Variants in CNOT10 observed in about 807,000 individuals in gnomAD.
CNOT10 encodes the protein CCR4-NOT transcription complex, subunit 10.
Under a neutral mutation model 94.6 loss-of-function variants are expected in CNOT10, and 30 were observed. The ratio of observed to expected loss-of-function variants is 0.32; its 90% CI spans 0.24 to 0.43. The LOEUF (loss-of-function observed/expected upper bound fraction) is 0.43, where lower values mean the gene tolerates loss of function less well. Ranked by LOEUF, CNOT10 falls within the 20% of genes least tolerant of loss-of-function variation. The probability of loss-of-function intolerance (pLI) is 1.00; values close to 1 mark genes in which losing one functional copy is unlikely to be tolerated. For synonymous variants in CNOT10, 289 were observed against 301.6 expected (o/e 0.96, Z 0.43); for missense variants, 759 against 877.2 (o/e 0.87, Z 1.70).
chr3:32,771,515 G>A (rs374086442), intron 18 of CNOT10, among the ~76,000 whole-genome samples: 1 of 152,022 alleles, frequency 6.6e-6, no homozygotes, highest in Non-Finnish European at 1.5e-5. Flanking sequence ...CAGGAGAATC[G>A]CTTGAGCCTG....
chr3:32,704,890 A>G lies in CNOT10; in HGVS notation c.197A>G (p.Asn66Ser). The change falls in exon 3 of 19, where the codon AAT becomes AGT. Residue 66 changes from asparagine to serine, a missense_variant. Around this residue, in one of 3 missense-constraint regions of CNOT10, gnomAD observed 682 missense variants for 799.4 expected, o/e 0.85. Coordinates refer to ENST00000328834, the MANE Select transcript of CNOT10 (RefSeq NM_015442.3). ...AAAGATGATTATAAAATAATTTTGA[A>G]TACAGCAGTAGCTGAGTTTTTTAAA... ...INKDDYKIIL[N>S]TAVAEFFKSN... 1 of 1,575,792 alleles carries G rather than the reference A, an allele frequency of 6.3e-7. No homozygotes were observed. The highest frequency in any genetic ancestry group is 8.6e-7 in the Non-Finnish European group (1 of 1,168,576).
intron 13 of CNOT10, among the ~76,000 whole-genome samples, chr3:32,747,958 C>T (rs953768108): frequency 1.3e-5 from 2 of 151,234 alleles, no homozygotes. Flanking sequence ...ACGCTCCCCC[C>T]ACCTCCAAAA....
intron 13 of CNOT10, among the ~76,000 whole-genome samples, chr3:32,750,632 A>G (rs960916801): frequency 7.9e-5 from 12 of 151,248 alleles, no homozygotes; most frequent in Non-Finnish European, 1.8e-4. Flanking sequence ...GGCTCCTCCA[A>G]CCTCCGCCTC....
intron 1 of CNOT10, among the ~76,000 whole-genome samples, chr3:32,697,884 G>A (rs144778509): frequency 2.4e-4 from 37 of 152,310 alleles, no homozygotes; most frequent in Admixed American, 2.0e-3. Flanking sequence ...TTTTTAAAAT[G>A]TTAGGTTTTA....
chr3:32,693,907 A>G (rs566676005), intron 1 of CNOT10, among the ~76,000 whole-genome samples: 1 of 152,146 alleles, frequency 6.6e-6, no homozygotes, highest in Non-Finnish European at 1.5e-5. Flanking sequence ...TATACTTGTG[A>G]ATTTAAATTG....
At chr3:32,735,636 G>A (rs2125582380) in intron 12 of CNOT10, among the ~76,000 whole-genome samples, 1 of 152,178 alleles carries the variant, frequency 6.6e-6, no homozygotes, top group Admixed American at 6.5e-5. Context: ...GAACCCGGGA[G>A]GCAGAGGTTG....
chr3:32,705,675 A>G (rs1366803589), intron 3 of CNOT10, among the ~76,000 whole-genome samples: 2 of 152,184 alleles, frequency 1.3e-5, no homozygotes, highest in East Asian at 3.8e-4. Context: ...TTGAGTAGTA[A>G]GAGCTACATG....
rs369416546 is a variant in CNOT10, at chr3:32,717,256, T to G, written c.744+19T>G. ...TGGAAATGTAAGTTTCTTCTGGACT[T>G]TTGTTTTTCAATTTGTGTCTTTCTT... is the stretch of plus-strand genomic sequence containing the variant. On this transcript the variant is annotated intron_variant, in intron 7 of 18. Transcript: ENST00000328834. 7 of 1,515,398 alleles carry G rather than the reference T, an allele frequency of 4.6e-6. No homozygotes were observed. The African/African-American group carries it at 9.7e-5, about 21-fold the overall frequency. 93.9% of individuals were successfully genotyped at this position (1,515,398 alleles called of 1,614,324 possible). A position where few individuals can be genotyped will look rare whatever the true frequency, so the allele number is the denominator to read the frequency against.
At chr3:32,748,546 T>TGGAGTG (rs1699811537) in intron 13 of CNOT10, among the ~76,000 whole-genome samples, 1 of 152,220 alleles carries the variant, frequency 6.6e-6, no homozygotes, top group African/African-American at 2.4e-5. Flanking sequence ...GGAGTCTCAC[T>TGGAGTG]CTGTGGCCCA....
At chr3:32,692,292 C>T (rs966955655) in intron 1 of CNOT10, among the ~76,000 whole-genome samples, 1 of 152,094 alleles carries the variant, frequency 6.6e-6, no homozygotes, top group Non-Finnish European at 1.5e-5. Flanking sequence ...CACAGGGTCC[C>T]AATATATTGC....
At chr3:32,713,427 G>A in intron 5 of CNOT10, 58 bp downstream of exon 5, 2 of 1,360,552 alleles carry the variant, frequency 1.5e-6, no homozygotes, top group Non-Finnish European at 2.0e-6. Flanking sequence ...CTCTCTACTT[G>A]TTGGTTTACT....
At chr3:32,697,436 A>G (rs1179306573) in intron 1 of CNOT10, among the ~76,000 whole-genome samples, 1 of 151,962 alleles carries the variant, frequency 6.6e-6, no homozygotes, top group East Asian at 1.9e-4. Context: ...CATCTAATCT[A>G]GGGCATATTT....
intron 10 of CNOT10, among the ~76,000 whole-genome samples, chr3:32,731,572 G>A (rs1385066611): frequency 6.6e-6 from 1 of 152,036 alleles, no homozygotes; most frequent in Non-Finnish European, 1.5e-5. Flanking sequence ...CCTCCCTGGT[G>A]TCAAGCGATC....
intron 1 of CNOT10, among the ~76,000 whole-genome samples, chr3:32,696,300 A>G (rs1697064644): frequency 6.6e-6 from 1 of 151,304 alleles, no homozygotes; most frequent in Non-Finnish European, 1.5e-5. Flanking sequence ...TGGGCAACAG[A>G]GTGAGACTCC....
At chr3:32,727,966 A>C in intron 10 of CNOT10, 96 bp downstream of exon 10, 1 of 781,928 alleles carries the variant, frequency 1.3e-6, no homozygotes, top group Non-Finnish European at 2.0e-6. Flanking sequence ...AAACATACAT[A>C]AGACATTTCT....
chr3:32,709,303 G>A (rs560207339), intron 4 of CNOT10, among the ~76,000 whole-genome samples: 4 of 152,068 alleles, frequency 2.6e-5, no homozygotes, highest in Non-Finnish European at 5.9e-5. Flanking sequence ...GAAAAGTAAG[G>A]GCAAAGGAAA....
At chr3:32,754,371 G>A (rs1700105174) in intron 13 of CNOT10, among the ~76,000 whole-genome samples, 1 of 144,482 alleles carries the variant, frequency 6.9e-6, no homozygotes, top group African/African-American at 2.6e-5. Context: ...CAGCTACTCG[G>A]GAGGCTGAGG....
intron 3 of CNOT10, 87 bp from the exon 4 acceptor site, chr3:32,708,583 A>C (rs1047339707): frequency 1.8e-6 from 2 of 1,116,678 alleles, no homozygotes; most frequent in African/African-American, 1.6e-5. Context: ...ATGTTGGCCT[A>C]TGTTCCTTTT....
At chr3:32,741,171 C>T (rs2072247996) in intron 13 of CNOT10, among the ~76,000 whole-genome samples, 1 of 152,108 alleles carries the variant, frequency 6.6e-6, no homozygotes. Flanking sequence ...AATCATACAG[C>T]ATGTAACCTT....
Sources: gnomAD v4.1 joint callset for allele counts (sites outside exome capture counted in the v4.1 genomes callset) on GRCh38, gnomAD v4.1.1 for gene constraint, gnomAD v4.1.1 regional missense constraint, MANE v1.5 for transcripts, NCBI Gene and HGNC (gene_info 2026-07-23, HGNC 2026-07-21) for gene names.